Variants in FAM135B observed in about 807,000 individuals in gnomAD.
The protein encoded by FAM135B is protein FAM135B.
In FAM135B, 43 loss-of-function variants were observed where a neutral mutation model predicts 127.7. The observed-to-expected ratio is 0.34, with a 90% confidence interval of 0.26 to 0.43. The LOEUF (loss-of-function observed/expected upper bound fraction) is 0.43. Ranked by LOEUF, FAM135B falls within the 20% of genes least tolerant of loss-of-function variation. FAM135B has a pLI of 1.00. For missense variants in FAM135B, 1,558 were observed against 1,725.6 expected (o/e 0.90, Z 1.72); for synonymous variants, 670 against 665.1 (o/e 1.01, Z -0.11).
chr8:138,435,380 G>A (rs1835405915), intron 1 of FAM135B, among the ~76,000 whole-genome samples: 2 of 152,068 alleles, frequency 1.3e-5, no homozygotes, highest in African/African-American at 4.8e-5. Context: ...TCTCATTGAT[G>A]CCCCTAACCA....
chr8:138,473,560 G>C (rs1814196831), intron 1 of FAM135B, among the ~76,000 whole-genome samples: 1 of 152,038 alleles, frequency 6.6e-6, no homozygotes, highest in Non-Finnish European at 1.5e-5. Context: ...TTTTGTAATG[G>C]AAACAATATC....
chr8:138,489,937 G>A (rs766997598), intron 1 of FAM135B, among the ~76,000 whole-genome samples: 1 of 152,126 alleles, frequency 6.6e-6, no homozygotes, highest in African/African-American at 2.4e-5. Flanking sequence ...GTCCTTCTCT[G>A]CTCTCAGGTC....
At chr8:138,418,860 G>GA (rs71582016) in intron 1 of FAM135B, among the ~76,000 whole-genome samples, 526 of 45,676 alleles carry the variant, frequency 0.012, 4 homozygotes, top group Middle Eastern at 0.019. Context: ...GCTAAACATA[G>GA]AAAAAAAAAA....
At chr8:138,163,368 T>TA (rs1481467576) in intron 12 of FAM135B, among the ~76,000 whole-genome samples, 2 of 152,090 alleles carry the variant, frequency 1.3e-5, no homozygotes, top group African/African-American at 4.8e-5. Flanking sequence ...CAAAGACAGA[T>TA]ATTGCAGCGT....
intron 1 of FAM135B, chr8:138,458,973 T>G (rs1009209082): frequency 6.6e-6 from 1 of 152,098 alleles, no homozygotes; most frequent in Admixed American, 6.5e-5. Context: ...AGTACATGTG[T>G]GTGAAATTCC....
chr8:138,175,839 T>C (rs1814406361), intron 11 of FAM135B, among the ~76,000 whole-genome samples: 1 of 152,234 alleles, frequency 6.6e-6, no homozygotes, highest in Non-Finnish European at 1.5e-5. Context: ...GACCCATGTA[T>C]ACAGCACCTT....
At chr8:138,290,237 T>C (rs17721181) in intron 3 of FAM135B, among the ~76,000 whole-genome samples, 59,989 of 152,076 alleles carry the variant, frequency 0.39, 12,482 homozygotes, top group Middle Eastern at 0.48. Context: ...GTCGGAGATA[T>C]CTGTTAGAGG....
intron 1 of FAM135B, among the ~76,000 whole-genome samples, chr8:138,380,986 C>A (rs896087348): frequency 1.5e-4 from 23 of 150,084 alleles, no homozygotes; most frequent in South Asian, 4.3e-4. Flanking sequence ...AACAAACAAA[C>A]AAAAAAAAAC....
At chr8:138,491,419 T>C (rs1272934487) in intron 1 of FAM135B, among the ~76,000 whole-genome samples, 4 of 152,204 alleles carry the variant, frequency 2.6e-5, no homozygotes, top group Non-Finnish European at 5.9e-5. Flanking sequence ...TTGATCTTGG[T>C]AGTCTTGCTA....
At chr8:138,186,410 C>T (rs1220561164) in intron 9 of FAM135B, among the ~76,000 whole-genome samples, 1 of 152,156 alleles carries the variant, frequency 6.6e-6, no homozygotes, top group East Asian at 1.9e-4. Flanking sequence ...CTTCAAATTG[C>T]TTTAAATCGC....
chr8:138,135,038 T>G (rs1346062032), intron 19 of FAM135B, among the ~76,000 whole-genome samples: 1 of 152,222 alleles, frequency 6.6e-6, no homozygotes, highest in Non-Finnish European at 1.5e-5. Flanking sequence ...TTTAAGGCTT[T>G]CCAGGACGCG....
intron 12 of FAM135B, among the ~76,000 whole-genome samples, chr8:138,153,526 C>A (rs1234043621): frequency 6.6e-6 from 1 of 152,158 alleles, no homozygotes; most frequent in African/African-American, 2.4e-5. Flanking sequence ...TCAGGGCATT[C>A]CCTTTCCTAG....
At chr8:138,193,429 C>A (rs1292039605) in intron 9 of FAM135B, among the ~76,000 whole-genome samples, 1 of 152,088 alleles carries the variant, frequency 6.6e-6, no homozygotes, top group Non-Finnish European at 1.5e-5. Flanking sequence ...AACCTGCAGG[C>A]CACACCCAGA....
At chr8:138,413,466 C>G (rs1833971787) in intron 1 of FAM135B, among the ~76,000 whole-genome samples, 1 of 152,170 alleles carries the variant, frequency 6.6e-6, no homozygotes, top group African/African-American at 2.4e-5. Context: ...ACGAAGTGTT[C>G]CTTCTCTGAG....
intron 15 of FAM135B, among the ~76,000 whole-genome samples, chr8:138,143,566 G>A (rs1299921309): frequency 6.6e-6 from 1 of 152,176 alleles, no homozygotes; most frequent in East Asian, 1.9e-4. Flanking sequence ...CTTTGGGAAG[G>A]ATCGTAAAGT....
intron 1 of FAM135B, among the ~76,000 whole-genome samples, chr8:138,398,961 C>G (rs1832996217): frequency 6.6e-6 from 1 of 152,166 alleles, no homozygotes; most frequent in Non-Finnish European, 1.5e-5. Flanking sequence ...GACTTGAATC[C>G]AGACCATTAG....
At chr8:138,398,054 G>A (rs1250791383) in intron 1 of FAM135B, among the ~76,000 whole-genome samples, 2 of 152,130 alleles carry the variant, frequency 1.3e-5, no homozygotes, top group Non-Finnish European at 2.9e-5. Flanking sequence ...AACTCCCTCC[G>A]GTCCCAGATG....
chr8:138,265,225 G>A lies in FAM135B; in HGVS notation c.297+478C>T, dbSNP rs552691113. On this transcript the variant is annotated intron_variant, in intron 4 of 19. Transcript: ENST00000395297. The stretch of plus-strand genomic sequence containing the variant: ...TGAACCCAGCTTTGTCATCTCCACA[G>A]AGATCATTTCTCACATCACCTGCCA... 1.9e-4 allele frequency among the ~76,000 whole-genome samples: 29 copies of A among 152,220 alleles called. No individual in the cohort carries two copies. In the South Asian group the frequency reaches 2.9e-3, roughly 15 times the overall value.
At chr8:138,229,632 C>T (rs1209212324) in intron 7 of FAM135B, among the ~76,000 whole-genome samples, 1 of 152,118 alleles carries the variant, frequency 6.6e-6, no homozygotes, top group Non-Finnish European at 1.5e-5. Context: ...GATGCTGCCA[C>T]CTTTAACACA....
Sources: allele counts gnomAD v4.1 joint callset (sites outside exome capture counted in the v4.1 genomes callset), GRCh38; gene constraint gnomAD v4.1.1; transcripts MANE v1.5; gene names NCBI Gene and HGNC (gene_info 2026-07-23, HGNC 2026-07-21).